ABCB5: variants seen among roughly 807,000 people sequenced by gnomAD.
The protein encoded by ABCB5 is ATP-binding cassette sub-family B member 5.
A neutral mutation model predicts 144.2 loss-of-function variants in ABCB5; 155 were observed. The ratio of observed to expected loss-of-function variants is 1.08; its 90% CI spans 0.94 to 1.23. The LOEUF (loss-of-function observed/expected upper bound fraction) is 1.23, where lower values mean the gene tolerates loss of function less well. Among genes scored for constraint, ABCB5 ranks in the 50% most tolerant of loss-of-function variants. The probability of loss-of-function intolerance (pLI) is 0.00; values close to 1 mark genes in which losing one functional copy is unlikely to be tolerated. For missense variants in ABCB5, 1,830 were observed against 1,520.8 expected, an observed-to-expected ratio of 1.20 and a Z score of -3.38; for synonymous variants, 610 against 528.6, an observed-to-expected ratio of 1.15 and a Z score of -2.11.
intron 1 of ABCB5, among the ~76,000 whole-genome samples, chr7:20,620,171 T>C (rs1272852561): frequency 6.6e-6 from 1 of 152,156 alleles, no homozygotes; most frequent in African/African-American, 2.4e-5. Context: ...GAAAGGACAG[T>C]CTATTTAACA....
intron 24 of ABCB5, 123 bp downstream of exon 24, chr7:20,739,262 A>C: frequency 1.0e-6 from 1 of 956,144 alleles, no homozygotes. Flanking sequence ...TGCTATACTC[A>C]GTACCTGTGT....
intron 14 of ABCB5, chr7:20,659,395 T>TG (rs1784924098): frequency 2.7e-5 from 20 of 744,126 alleles, no homozygotes; most frequent in Non-Finnish European, 3.3e-5. Flanking sequence ...GAGTTAAGCG[T>TG]TTTTTTTTCT....
chr7:20,667,601 G>T (rs1785241448), intron 14 of ABCB5: 1 of 928,204 alleles, frequency 1.1e-6, no homozygotes, highest in African/African-American at 1.8e-5. Flanking sequence ...TTGAGCTAAT[G>T]GGTCACATCA....
At position 20,639,955 on chromosome 7, in the gene ABCB5, TAAC is replaced by T. The variant is rs570831793; in HGVS notation, c.315-3224_315-3222del. 5.9e-5 allele frequency among the ~76,000 whole-genome samples: 9 copies of T among 152,328 alleles called. 1 individual carries two copies. The South Asian group carries it at 1.9e-3, about 32-fold the overall frequency. On this transcript the variant is annotated intron_variant, in intron 5 of 27. Transcript: ENST00000404938. ...ATAAATTTGGGGAAGATTGTCATCT[TAAC>T]AACACTGAGTCTCCCAATCCATCAA... is the stretch of plus-strand genomic sequence containing the variant.
At chr7:20,668,890 A>T (rs1286339136) in intron 14 of ABCB5, among the ~76,000 whole-genome samples, 11 of 107,440 alleles carry the variant, frequency 1.0e-4, no homozygotes, top group African/African-American at 3.9e-4. Flanking sequence ...CCCGTCCGGG[A>T]GGTGTGGGGC....
chr7:20,679,684 G>C (rs371733077), intron 14 of ABCB5, among the ~76,000 whole-genome samples: 5 of 152,126 alleles, frequency 3.3e-5, no homozygotes, highest in African/African-American at 9.7e-5. Context: ...CTAATCATTT[G>C]AAAAGTTGTT....
In ABCB5 at chr7:20,727,151, A is replaced by G. The variant is rs750521243; in HGVS notation, c.2726+11A>G. 1.2e-6 allele frequency: 2 copies of G among 1,604,498 alleles called. No homozygotes were observed. Among genetic ancestry groups the G allele is most frequent in the Admixed American group, 3.4e-5 (2 of 59,110 alleles). ...TCAGACTCAACACAGGTGATTATAG[A>G]TTCATACTGACTTCAAAAACTTAAT... On this transcript the variant is annotated intron_variant, in intron 22 of 27. Transcript: ENST00000404938.
intron 14 of ABCB5, among the ~76,000 whole-genome samples, chr7:20,666,333 C>T (rs767165807): frequency 3.3e-5 from 5 of 152,188 alleles, no homozygotes; most frequent in Admixed American, 6.5e-5. Context: ...GTTACTAGAA[C>T]TCTCTGTGCT....
intron 5 of ABCB5, among the ~76,000 whole-genome samples, chr7:20,638,049 G>C (rs1238487151): frequency 1.3e-5 from 2 of 152,128 alleles, no homozygotes; most frequent in African/African-American, 4.8e-5. Flanking sequence ...GAGTTAATAA[G>C]TAGAGTCCTT....
Position 20,728,348 on chromosome 7 carries a change from CT to C in ABCB5, c.2761del (p.Cys921ValfsTer23). 1 of 1,614,080 alleles carries C rather than the reference CT, an allele frequency of 6.2e-7. No individual in the cohort carries two copies. The highest frequency in any genetic ancestry group is 1.3e-5 in the African/African-American group (1 of 75,054). On this transcript the variant is annotated frameshift_variant, in exon 23 of 28. Coordinates refer to ENST00000404938, the MANE Select transcript of ABCB5 (RefSeq NM_001163941.2). LOFTEE classifies it high-confidence loss of function. The stretch of plus-strand genomic sequence containing the variant: ...CGAAGAAAGCACAGATTATTGGAAG[CT>C]GTTATGCATTCAGCCATGCCTTTAT... The part of the protein sequence containing the change: ...TSKKAQIIGS[C>X]YAFSHAFIYF...
At chr7:20,697,913 A>G (rs545690576) in intron 16 of ABCB5, among the ~76,000 whole-genome samples, 1 of 152,364 alleles carries the variant, frequency 6.6e-6, no homozygotes, top group South Asian at 2.1e-4. Context: ...AAGAACTCCA[A>G]AACAAGCCAA....
intron 14 of ABCB5, chr7:20,659,001 C>G: frequency 6.4e-7 from 1 of 1,558,138 alleles, no homozygotes; most frequent in East Asian, 2.2e-5. Flanking sequence ...TATAACCATG[C>G]CCACCCTTTG....
chr7:20,721,282 G>A (rs1583450594), intron 20 of ABCB5, among the ~76,000 whole-genome samples: 1 of 152,130 alleles, frequency 6.6e-6, no homozygotes, highest in Non-Finnish European at 1.5e-5. Context: ...AGTTACAAGC[G>A]TATGGCTGTG....
chr7:20,634,604 G>A (rs976138454), intron 5 of ABCB5, among the ~76,000 whole-genome samples: 3 of 151,998 alleles, frequency 2.0e-5, no homozygotes, highest in East Asian at 3.9e-4. Context: ...ATTGGTGTAC[G>A]ACAGTGTTTC....
chr7:20,724,307 C>T (rs572237848), intron 21 of ABCB5, among the ~76,000 whole-genome samples: 3 of 151,964 alleles, frequency 2.0e-5, no homozygotes, highest in African/African-American at 7.2e-5. Context: ...GCAGCTGAAT[C>T]GCTGTAAACA....
chr7:20,637,671 C>T (rs547745254), intron 5 of ABCB5, among the ~76,000 whole-genome samples: 1 of 152,240 alleles, frequency 6.6e-6, no homozygotes, highest in East Asian at 1.9e-4. Context: ...CTGCCCACCT[C>T]GGACTCCCAA....
chr7:20,645,960 G>A lies in ABCB5; in HGVS notation c.804-1G>A. ...ACTAAGTTGTGTTCTGTTTTTGTAA[G>A]GTATACACAGAATCTCAAAGATGCA... On this transcript the variant is annotated splice_acceptor_variant, in intron 8 of 27. Coordinates refer to ENST00000404938, the MANE Select transcript of ABCB5 (RefSeq NM_001163941.2). LOFTEE classifies it high-confidence loss of function. The A allele has an allele frequency of 1.9e-6, 3 of 1,613,202 alleles. No homozygotes were observed. Among genetic ancestry groups the A allele is most frequent in the Middle Eastern group, 1.7e-4 (1 of 6,054 alleles).
chr7:20,682,264 T>C (rs1785855634), intron 15 of ABCB5, among the ~76,000 whole-genome samples: 1 of 152,146 alleles, frequency 6.6e-6, no homozygotes. Flanking sequence ...GATGTTTGGT[T>C]AGAACACAAA....
intron 16 of ABCB5, among the ~76,000 whole-genome samples, chr7:20,691,039 C>T (rs575504386): frequency 1.3e-5 from 2 of 151,812 alleles, no homozygotes; most frequent in South Asian, 4.2e-4. Flanking sequence ...GGACATCATG[C>T]AAAGTAGGAT....
Sources: allele counts gnomAD v4.1 joint callset (sites outside exome capture counted in the v4.1 genomes callset), GRCh38; gene constraint gnomAD v4.1.1; transcripts MANE v1.5; gene names NCBI Gene and HGNC (gene_info 2026-07-23, HGNC 2026-07-21).